The following SSH2 variants were observed in gnomAD, a reference collection of about 807,000 sequenced individuals.
The protein encoded by SSH2 is protein phosphatase Slingshot homolog 2.
SSH2 carries 37 observed loss-of-function variants against 135.2 expected under a neutral mutation model. The observed-to-expected ratio is 0.27, with a 90% confidence interval of 0.21 to 0.36. The LOEUF (loss-of-function observed/expected upper bound fraction) is 0.36. SSH2 is among the 10% of genes least tolerant of loss of function. The probability of loss-of-function intolerance (pLI) is 1.00; values close to 1 mark genes in which losing one functional copy is unlikely to be tolerated. For missense variants in SSH2, 1,408 were observed against 1,765.3 expected (o/e 0.80, Z 3.63); for synonymous variants, 628 against 646.2 (o/e 0.97, Z 0.43).
chr17:29,641,226 C>T (rs974722922), intron 14 of SSH2, among the ~76,000 whole-genome samples: 4 of 152,158 alleles, frequency 2.6e-5, no homozygotes, highest in East Asian at 1.9e-4. Context: ...ATGTTTTAGT[C>T]GGTTACACTA....
chr17:29,684,565 G>C lies in SSH2; in HGVS notation c.477C>G (p.Asp159Glu). The C allele has an allele frequency of 1.9e-6, 3 of 1,608,404 alleles. No homozygotes were observed. The highest frequency in any genetic ancestry group is 2.5e-6 in the Non-Finnish European group (3 of 1,177,212). Reference sequence around the variant, plus strand: ...ATTTTGAAATGGTACCACCATACCTGTCATTAGAGGAGAAATCCATTCCTA... The same window carrying C: ...ATTTTGAAATGGTACCACCATACCTCTCATTAGAGGAGAAATCCATTCCTA... The part of the protein sequence containing the change: ...IVLGMDFSSN[D>E]SSTCTMGLVL... The change falls in exon 6 of 16, where the codon GAC (aspartate) becomes GAG (glutamate). Residue 159 changes from aspartate (D) to glutamate (E), a missense_variant and splice_region_variant. By Grantham distance (45) the Asp-to-Glu change is conservative. Coordinates refer to ENST00000540801, the MANE Select transcript of SSH2 (RefSeq NM_001282129.2).
chr17:29,738,938 T>A (rs1318160664), intron 3 of SSH2, among the ~76,000 whole-genome samples: 1 of 152,252 alleles, frequency 6.6e-6, no homozygotes, highest in East Asian at 1.9e-4. Context: ...TCAAATGTTA[T>A]ATGAATTGTG....
chr17:29,868,237 T>A (rs1421415338), intron 1 of SSH2, among the ~76,000 whole-genome samples: 1 of 152,204 alleles, frequency 6.6e-6, no homozygotes, highest in African/African-American at 2.4e-5. Context: ...AAAACTCAGT[T>A]AATTTTGGGT....
chr17:29,770,110 T>TTTC (rs1334294118), intron 3 of SSH2, among the ~76,000 whole-genome samples: 10 of 149,312 alleles, frequency 6.7e-5, no homozygotes, highest in African/African-American at 2.0e-4. Flanking sequence ...TTTTTTTTTT[T>TTTC]TTTTTTTTTA....
At chr17:29,823,907 A>T (rs893373045) in intron 2 of SSH2, among the ~76,000 whole-genome samples, 8 of 148,834 alleles carry the variant, frequency 5.4e-5, no homozygotes, top group East Asian at 3.9e-4. Context: ...AAAATTCCAC[A>T]CTGGGCCTTG....
At chr17:29,720,581 G>A (rs780975667) in intron 3 of SSH2, among the ~76,000 whole-genome samples, 10 of 152,188 alleles carry the variant, frequency 6.6e-5, no homozygotes, top group Non-Finnish European at 1.2e-4. Context: ...ACTTTTTAAA[G>A]TCCCTGGACA....
At chr17:29,722,572 C>G (rs116018379) in intron 3 of SSH2, among the ~76,000 whole-genome samples, 186 of 152,216 alleles carry the variant, frequency 1.2e-3, no homozygotes, top group African/African-American at 4.3e-3. Flanking sequence ...ACAAAGGACA[C>G]AATTACGCAA....
chr17:29,786,248 A>G (rs1196415062), intron 3 of SSH2, among the ~76,000 whole-genome samples: 1 of 152,222 alleles, frequency 6.6e-6, no homozygotes, highest in Non-Finnish European at 1.5e-5. Flanking sequence ...ATAGTGAGAC[A>G]AACAGGTTGG....
intron 3 of SSH2, among the ~76,000 whole-genome samples, chr17:29,746,240 A>G (rs2151219180): frequency 6.6e-6 from 1 of 152,116 alleles, no homozygotes; most frequent in South Asian, 2.1e-4. Flanking sequence ...TTTTCAAACT[A>G]AAGCTCCCCC....
chr17:29,696,167 A>G (rs1174031262), intron 4 of SSH2, among the ~76,000 whole-genome samples: 1 of 119,452 alleles, frequency 8.4e-6, no homozygotes, highest in Non-Finnish European at 1.8e-5. Context: ...GAGAGTATGT[A>G]TATATATACA....
At chr17:29,713,587 C>T (rs1488864267) in intron 3 of SSH2, among the ~76,000 whole-genome samples, 1 of 152,110 alleles carries the variant, frequency 6.6e-6, no homozygotes, top group Non-Finnish European at 1.5e-5. Context: ...CCTAATTCAC[C>T]ATGTCTTGTG....
At chr17:29,763,354 G>T (rs751246170) in intron 3 of SSH2, among the ~76,000 whole-genome samples, 16 of 152,016 alleles carry the variant, frequency 1.1e-4, no homozygotes, top group Non-Finnish European at 1.9e-4. Context: ...ATTTATTCAG[G>T]CTGTGTCAGC....
chr17:29,707,399 T>C (rs1211549250), intron 3 of SSH2, among the ~76,000 whole-genome samples: 2 of 151,944 alleles, frequency 1.3e-5, no homozygotes, highest in African/African-American at 4.8e-5. Flanking sequence ...AGGCCAGGAG[T>C]CAAACTCACA....
chr17:29,849,025 G>A (rs1335838036), intron 1 of SSH2, 96 bp from the exon 2 acceptor site: 5 of 726,636 alleles, frequency 6.9e-6, no homozygotes, highest in African/African-American at 3.5e-5. Flanking sequence ...AGTGGTGTTA[G>A]CTCACAGGTG....
At chr17:29,885,491 T>C (rs1273437767) in intron 1 of SSH2, among the ~76,000 whole-genome samples, 1 of 151,994 alleles carries the variant, frequency 6.6e-6, no homozygotes, top group African/African-American at 2.4e-5. Flanking sequence ...GGCCCCTAGA[T>C]AGCTTTAGGA....
intron 1 of SSH2, among the ~76,000 whole-genome samples, chr17:29,919,265 C>T (rs1251642839): frequency 6.6e-6 from 1 of 152,172 alleles, no homozygotes; most frequent in Admixed American, 6.5e-5. Flanking sequence ...TTAAATCAAA[C>T]AGTTCCATAA....
At position 29,632,521 on chromosome 17, in the gene SSH2, C is replaced by A; in HGVS notation, c.2673G>T (p.Gly891=). 1 of 1,614,214 alleles carries A rather than the reference C, an allele frequency of 6.2e-7. No homozygotes were observed. The highest frequency in any genetic ancestry group is 8.5e-7 in the Non-Finnish European group (1 of 1,180,026). ...GMHPGAKWYP[G]SVRRATLEFE... ...ACTCCAAGGTGGCTCGCCTCACAGA[C>A]CCAGGGTACCACTTGGCACCTGGGT... Residue 891 remains glycine, a synonymous_variant, in exon 16 of 16, where the codon GGG becomes GGT. Transcript: ENST00000540801.
chr17:29,660,685 C>CCT (rs983168508), intron 11 of SSH2, among the ~76,000 whole-genome samples: 2 of 151,710 alleles, frequency 1.3e-5, no homozygotes, highest in African/African-American at 4.8e-5. Context: ...ATGGAAAACC[C>CCT]CTCTCTCTCT....
At chr17:29,905,300 G>C (rs1449695989) in intron 1 of SSH2, among the ~76,000 whole-genome samples, 1 of 152,206 alleles carries the variant, frequency 6.6e-6, no homozygotes, top group Non-Finnish European at 1.5e-5. Context: ...CAGACACATA[G>C]ATCAATGGAA....
Sources: allele counts gnomAD v4.1 joint callset (sites outside exome capture counted in the v4.1 genomes callset), GRCh38; gene constraint gnomAD v4.1.1; transcripts MANE v1.5; gene names NCBI Gene and HGNC (gene_info 2026-07-23, HGNC 2026-07-21).